ROR2: variants seen among roughly 807,000 people sequenced by gnomAD.
ROR2 encodes ROR family WNT receptor 2, also known as tyrosine-protein kinase transmembrane receptor ROR2.
Under a neutral mutation model 74.9 loss-of-function variants are expected in ROR2, and 33 were observed. That is an observed-to-expected ratio of 0.44 (90% confidence interval 0.33 to 0.59). The LOEUF is 0.59. Ranked by LOEUF, ROR2 falls within the 20% of genes least tolerant of loss-of-function variation. ROR2 has a pLI of 0.02. For missense variants in ROR2, 1,216 were observed against 1,313.8 expected (o/e 0.93, Z 1.15); for synonymous variants, 586 against 558.7 (o/e 1.05, Z -0.69).
chr9:91,724,049 C>T lies in ROR2; in HGVS notation c.2445G>A (p.Pro815=), dbSNP rs202010959. Reference sequence around the variant, plus strand: ...AGCCGTTGACGGGGACGTAGAGCTGCGGCGGGGGCACCATGGGTCTGATCT... The same window carrying T: ...AGCCGTTGACGGGGACGTAGAGCTGTGGCGGGGGCACCATGGGTCTGATCT... ...KGQIRPMVPP[P]QLYVPVNGYQ... Residue 815 remains proline (P), a synonymous_variant, in exon 9 of 9, where the codon CCG becomes CCA. Coordinates refer to ENST00000375708, the MANE Select transcript of ROR2 (RefSeq NM_004560.4). 1.2e-4 allele frequency: 186 copies of T among 1,611,004 alleles called. 1 individual carries two copies. In the East Asian group the frequency reaches 2.5e-3, roughly 21 times the overall value.
intron 1 of ROR2, among the ~76,000 whole-genome samples, chr9:91,911,118 C>T (rs1830968044): frequency 6.6e-6 from 1 of 152,260 alleles, no homozygotes; most frequent in Non-Finnish European, 1.5e-5. Flanking sequence ...CCCATTTCCA[C>T]ATCTGCACAC....
At position 91,948,950 on chromosome 9, in the gene ROR2, T is replaced by G. The variant is rs1832089780; in HGVS notation, c.97+917A>C. 5.1e-6 allele frequency: 5 copies of G among 981,822 alleles called. No homozygotes were observed. In the South Asian group the frequency reaches 2.4e-4, roughly 46 times the overall value. The allele number at this position is 981,822 out of a possible 1,614,324, so 60.8% of individuals were successfully genotyped here. On this transcript the variant is annotated intron_variant, in intron 1 of 8. Coordinates refer to ENST00000375708, the MANE Select transcript of ROR2 (RefSeq NM_004560.4). ...CTAACGCCGCCTCCTCCAGGCAACCTAGGCAGGTCCCAAGCTGCACTTCCG... is the reference window on the plus strand; with the variant it reads ...CTAACGCCGCCTCCTCCAGGCAACCGAGGCAGGTCCCAAGCTGCACTTCCG...
At chr9:91,862,387 G>A (rs114032916) in intron 1 of ROR2, among the ~76,000 whole-genome samples, 1 of 151,976 alleles carries the variant, frequency 6.6e-6, no homozygotes, top group African/African-American at 2.4e-5. Context: ...GCCAGGAGTG[G>A]TGGCTCATAC....
intron 7 of ROR2, among the ~76,000 whole-genome samples, chr9:91,727,322 T>A (rs955358519): frequency 1.3e-5 from 2 of 151,936 alleles, no homozygotes; most frequent in African/African-American, 2.4e-5. Context: ...CTTGACCCAA[T>A]ACAATATGCA....
At position 91,725,096 on chromosome 9, in the gene ROR2, T is replaced by C; in HGVS notation, c.1398A>G (p.Lys466=). ...ACCTCACCGCAGACAGGCTGATCTC[T>C]TTGAGTTTGGCCTGTCAAGAAGAAA... ...LINQHKQAKL[K]EISLSAVRFM... The change falls in exon 9 of 9, where the codon AAA becomes AAG. Residue 466 remains lysine (K), a synonymous_variant. Coordinates refer to ENST00000375708, the MANE Select transcript of ROR2 (RefSeq NM_004560.4). 1.2e-6 allele frequency: 2 copies of C among 1,613,858 alleles called. No individual in the cohort carries two copies. Among genetic ancestry groups the C allele is most frequent in the East Asian group, 2.2e-5 (1 of 44,868 alleles).
chr9:91,911,127 A>T (rs1016721068), intron 1 of ROR2, among the ~76,000 whole-genome samples: 7 of 152,366 alleles, frequency 4.6e-5, no homozygotes, highest in South Asian at 4.1e-4. Context: ...ACATCTGCAC[A>T]CTACCCCACC....
In ROR2 at chr9:91,782,803, TC is replaced by T. The variant is rs140168956; in HGVS notation, c.98-6986del. 2.3e-3 allele frequency among the ~76,000 whole-genome samples: 353 copies of T among 152,286 alleles called. 1 individual carries two copies. Among genetic ancestry groups the T allele is most frequent in the African/African-American group, 8.0e-3 (332 of 41,562 alleles). The stretch of plus-strand genomic sequence containing the variant: ...CAGAGGGGGTTCAAAAGCAGAAGAT[TC>T]TCTGGTAGCCAGAATTTGCTTCAGA... On this transcript the variant is annotated intron_variant, in intron 1 of 8. Transcript: ENST00000375708.
rs903605523 is a variant in ROR2 at position 91,947,508 on chromosome 9, C to T, written c.97+2359G>A. 1.3e-4 allele frequency among the ~76,000 whole-genome samples: 20 copies of T among 152,210 alleles called. No homozygotes were observed. The South Asian group carries it at 4.2e-3, about 32-fold the overall frequency. On this transcript the variant is annotated intron_variant, in intron 1 of 8. Transcript: ENST00000375708. ...AAAGTCTTCTTATTCAAGATGTTTC[C>T]ATTTATTTTCTTCTAGATGGATTTC...
At chr9:91,803,723 G>A (rs774486648) in intron 1 of ROR2, among the ~76,000 whole-genome samples, 1 of 152,220 alleles carries the variant, frequency 6.6e-6, no homozygotes, top group Non-Finnish European at 1.5e-5. Flanking sequence ...TGGGTCCTTG[G>A]GGGGCCCACA....
intron 1 of ROR2, among the ~76,000 whole-genome samples, chr9:91,800,003 G>A (rs1827319871): frequency 6.6e-6 from 1 of 152,130 alleles, no homozygotes; most frequent in Non-Finnish European, 1.5e-5. Flanking sequence ...CCTTTTTTGT[G>A]ACTTTTGGAC....
rs558499124 is a variant in ROR2, at chr9:91,826,577, C to T, written c.98-50759G>A. On this transcript the variant is annotated intron_variant, in intron 1 of 8. Coordinates refer to ENST00000375708, the MANE Select transcript of ROR2 (RefSeq NM_004560.4). ...CGGGCGGATCACAAGGTCAGGAGAT[C>T]GAGACCATCCTGGCTAACACAGTGA... Among the ~76,000 whole-genome samples, 14 of 152,000 alleles carry T rather than the reference C, an allele frequency of 9.2e-5. No individual in the cohort carries two copies. In the South Asian group the frequency reaches 2.9e-3, roughly 32 times the overall value.
chr9:91,747,876 G>A (rs988783728), intron 4 of ROR2, among the ~76,000 whole-genome samples: 1 of 152,134 alleles, frequency 6.6e-6, no homozygotes, highest in Non-Finnish European at 1.5e-5. Context: ...GTCCTCGTGT[G>A]GAAAAGCCCT....
Position 91,733,414 on chromosome 9 carries a change from C to G in ROR2, c.645G>C (p.Thr215=), listed in dbSNP as rs200374042. ...RITAAFTMIG[T]STHLSDQCSQ... ...AGCACTGGTCCGACAGGTGCGTAGA[C>G]GTGCCGATCATGGTGAAGGCCGCTG... is the stretch of plus-strand genomic sequence containing the variant. The change falls in exon 6 of 9, where the codon ACG becomes ACC. Residue 215 remains threonine, a synonymous_variant. Transcript: ENST00000375708. The surrounding 1 kb of genome is among the most constrained non-coding windows in gnomAD (Gnocchi z 5.7). The G allele has an allele frequency of 1.2e-6, 2 of 1,611,408 alleles. No homozygotes were observed. Among genetic ancestry groups the G allele is most frequent in the Admixed American group, 3.3e-5 (2 of 60,022 alleles).
intron 1 of ROR2, among the ~76,000 whole-genome samples, chr9:91,840,937 A>C (rs1828764707): frequency 6.6e-6 from 1 of 152,260 alleles, no homozygotes; most frequent in Non-Finnish European, 1.5e-5. Context: ...ATGTGTGGTC[A>C]TGGGCTGTAT....
At chr9:91,909,964 T>A in intron 1 of ROR2, among the ~76,000 whole-genome samples, 1 of 147,272 alleles carries the variant, frequency 6.8e-6, no homozygotes, top group Non-Finnish European at 1.5e-5. Flanking sequence ...CGGGTTCAAG[T>A]GATTCTCCTG....
chr9:91,840,681 C>T lies in ROR2; in HGVS notation c.98-64863G>A, dbSNP rs561144559. Among the ~76,000 whole-genome samples the T allele has an allele frequency of 4.6e-5, 7 of 152,334 alleles. No homozygotes were observed. In the East Asian group the frequency reaches 1.3e-3, roughly 29 times the overall value. ...CAGGGAATGAGGAGAGACAAACACA[C>T]CAACAACCAAGACAGGTGAGGCGGT... On this transcript the variant is annotated intron_variant, in intron 1 of 8. Coordinates refer to ENST00000375708, the MANE Select transcript of ROR2 (RefSeq NM_004560.4).
At chr9:91,935,006 C>T (rs868390104) in intron 1 of ROR2, among the ~76,000 whole-genome samples, 2 of 152,116 alleles carry the variant, frequency 1.3e-5, no homozygotes, top group East Asian at 3.9e-4. Context: ...TACATAATTA[C>T]GTTCTTGACA....
chr9:91,945,113 C>T (rs947365251), intron 1 of ROR2, among the ~76,000 whole-genome samples: 1 of 152,016 alleles, frequency 6.6e-6, no homozygotes, highest in Admixed American at 6.5e-5. Context: ...CTACTCAGAT[C>T]CATCTACCAA....
At chr9:91,920,219 C>A (rs1831229179) in intron 1 of ROR2, among the ~76,000 whole-genome samples, 1 of 152,174 alleles carries the variant, frequency 6.6e-6, no homozygotes, top group East Asian at 1.9e-4. Flanking sequence ...TAAGAATAAA[C>A]ACGATGGCCG....
Sources: allele counts gnomAD v4.1 joint callset (sites outside exome capture counted in the v4.1 genomes callset), GRCh38; gene constraint gnomAD v4.1.1; non-coding constraint Gnocchi (gnomAD v3.1); transcripts MANE v1.5; gene names NCBI Gene and HGNC (gene_info 2026-07-23, HGNC 2026-07-21).